The following ANKH variants were observed in gnomAD, a reference collection of about 807,000 sequenced individuals.
ANKH encodes the protein mineralization regulator ANKH.
Under a neutral mutation model 49.0 loss-of-function variants are expected in ANKH, and 15 were observed. The ratio of observed to expected loss-of-function variants is 0.31; its 90% CI spans 0.20 to 0.47. The LOEUF is 0.47. Ranked by LOEUF, ANKH falls within the 20% of genes least tolerant of loss-of-function variation. The pLI is 1.00. For synonymous variants in ANKH, 273 were observed against 260.0 expected, an observed-to-expected ratio of 1.05 and a Z score of -0.48; for missense variants, 429 against 652.0, an observed-to-expected ratio of 0.66 and a Z score of 3.72.
intron 1 of ANKH, among the ~76,000 whole-genome samples, chr5:14,809,335 T>TAAAAAAAAAAAAAA (rs36119317): frequency 6.7e-4 from 54 of 80,784 alleles, no homozygotes; most frequent in Non-Finnish European, 1.0e-3. Flanking sequence ...TAGAGTATAA[T>TAAAAAAAAAAAAAA]AAAAAAAAAA....
At chr5:14,790,702 G>A (rs1194355997) in intron 1 of ANKH, among the ~76,000 whole-genome samples, 1 of 152,188 alleles carries the variant, frequency 6.6e-6, no homozygotes, top group Non-Finnish European at 1.5e-5. Context: ...TCGCTTCCGG[G>A]GTTCGAGCGA....
At chr5:14,815,980 C>T (rs1321776354) in intron 1 of ANKH, among the ~76,000 whole-genome samples, 1 of 152,156 alleles carries the variant, frequency 6.6e-6, no homozygotes, top group Non-Finnish European at 1.5e-5. Context: ...TCTGTTTGCT[C>T]ATCCTTGTTT....
chr5:14,827,752 A>G (rs893972784), intron 1 of ANKH, among the ~76,000 whole-genome samples: 1 of 151,814 alleles, frequency 6.6e-6, no homozygotes, highest in African/African-American at 2.4e-5. Flanking sequence ...CCTAAGACCT[A>G]TTTTTTTTGG....
intron 1 of ANKH, among the ~76,000 whole-genome samples, chr5:14,794,197 A>G (rs1740299206): frequency 6.6e-6 from 1 of 152,240 alleles, no homozygotes; most frequent in Admixed American, 6.5e-5. Flanking sequence ...AGCCTATTCT[A>G]GAGCAGCAGA....
At chr5:14,798,503 A>C in intron 1 of ANKH, 1 of 768,434 alleles carries the variant, frequency 1.3e-6, no homozygotes, top group Non-Finnish European at 2.0e-6. Flanking sequence ...TTTTTTTTTT[A>C]ATTAACAAAT....
At chr5:14,733,752 G>A (rs1412022130) in intron 8 of ANKH, among the ~76,000 whole-genome samples, 1 of 152,214 alleles carries the variant, frequency 6.6e-6, no homozygotes, top group Non-Finnish European at 1.5e-5. Flanking sequence ...TCAGGCCACG[G>A]GGAAAGTGCT....
rs567935668 is a variant in ANKH, at chr5:14,779,629, T to A, written c.97-10438A>T. Among the ~76,000 whole-genome samples the A allele has an allele frequency of 1.0e-3, 154 of 152,392 alleles. 1 individual carries two copies. Among genetic ancestry groups the A allele is most frequent in the South Asian group, 9.3e-3 (45 of 4,832 alleles). ...TGTATTAACTGTGATACAAAACTTATGTCTGGTCATTCATAAATAAAATCT... is the reference window on the plus strand; with the variant it reads ...TGTATTAACTGTGATACAAAACTTAAGTCTGGTCATTCATAAATAAAATCT... On this transcript the variant is annotated intron_variant, in intron 1 of 11. Transcript: ENST00000284268.
At chr5:14,825,774 T>G (rs1411204327) in intron 1 of ANKH, among the ~76,000 whole-genome samples, 1 of 152,248 alleles carries the variant, frequency 6.6e-6, no homozygotes, top group Non-Finnish European at 1.5e-5. Flanking sequence ...AGAAAATAAG[T>G]GCCTAATCTT....
intron 2 of ANKH, 25 bp downstream of exon 2, chr5:14,768,950 C>A: frequency 6.2e-7 from 1 of 1,609,620 alleles, no homozygotes; most frequent in Non-Finnish European, 8.5e-7. Flanking sequence ...AAGCTAGATT[C>A]GTCAGTGGCG....
At chr5:14,734,817 T>C (rs976377326) in intron 8 of ANKH, among the ~76,000 whole-genome samples, 1 of 152,248 alleles carries the variant, frequency 6.6e-6, no homozygotes, top group South Asian at 2.1e-4. Context: ...GAGTAATTTT[T>C]ATAATTTTGT....
intron 8 of ANKH, chr5:14,717,099 T>A (rs1375033562): frequency 2.2e-6 from 1 of 446,678 alleles, no homozygotes; most frequent in Non-Finnish European, 4.2e-6. Context: ...GTCATTTATT[T>A]CTGAGTGGGT....
intron 6 of ANKH, among the ~76,000 whole-genome samples, chr5:14,747,458 G>A (rs900054805): frequency 1.3e-5 from 2 of 152,138 alleles, no homozygotes; most frequent in African/African-American, 4.8e-5. Context: ...GGCTTAGGAG[G>A]CTGAGGCAGG....
At chr5:14,819,892 C>T (rs200276386) in intron 1 of ANKH, among the ~76,000 whole-genome samples, 7,658 of 122,880 alleles carry the variant, frequency 0.062, 222 homozygotes, top group South Asian at 0.081. Flanking sequence ...ACAACAACAA[C>T]AAAAATATAC....
chr5:14,848,515 T>C (rs1742031923), intron 1 of ANKH, among the ~76,000 whole-genome samples: 1 of 152,206 alleles, frequency 6.6e-6, no homozygotes, highest in Admixed American at 6.5e-5. Flanking sequence ...AGCTGAGCTT[T>C]TGCTCGCCGT....
At chr5:14,851,468 G>A (rs1742120642) in intron 1 of ANKH, among the ~76,000 whole-genome samples, 1 of 152,182 alleles carries the variant, frequency 6.6e-6, no homozygotes. Context: ...CAGTGCCTGT[G>A]GATTGTGGAA....
In ANKH at chr5:14,764,632, G is replaced by A. The variant is rs150736238; in HGVS notation, c.313+4343C>T. ...TGAGGATCGGGGTGGTTTTTTACAC[G>A]ACAATAAATTGTGAGACTATACTGG... On this transcript the variant is annotated intron_variant, in intron 2 of 11. Transcript: ENST00000284268. 1.6e-3 allele frequency among the ~76,000 whole-genome samples: 242 copies of A among 152,322 alleles called. 1 individual carries two copies. Among genetic ancestry groups the A allele is most frequent in the Non-Finnish European group, 2.1e-3 (140 of 68,024 alleles).
At chr5:14,782,514 T>C (rs922410705) in intron 1 of ANKH, among the ~76,000 whole-genome samples, 10 of 152,152 alleles carry the variant, frequency 6.6e-5, no homozygotes, top group African/African-American at 2.4e-4. Context: ...GAGATTATAG[T>C]TGATGCTAAA....
At chr5:14,757,139 C>T (rs940966850) in intron 3 of ANKH, among the ~76,000 whole-genome samples, 2 of 152,070 alleles carry the variant, frequency 1.3e-5, no homozygotes, top group African/African-American at 2.4e-5. Flanking sequence ...AGGAATGACA[C>T]GGACCTGTCC....
chr5:14,765,137 G>A (rs1006428172), intron 2 of ANKH, among the ~76,000 whole-genome samples: 1 of 152,168 alleles, frequency 6.6e-6, no homozygotes, highest in Non-Finnish European at 1.5e-5. Context: ...TTTTTGTTTT[G>A]TAACTTAATC....
Sources: gnomAD v4.1 joint callset for allele counts (sites outside exome capture counted in the v4.1 genomes callset) on GRCh38, gnomAD v4.1.1 for gene constraint, MANE v1.5 for transcripts, NCBI Gene and HGNC (gene_info 2026-07-23, HGNC 2026-07-21) for gene names.